PPARGC1A: variants seen among roughly 807,000 people sequenced by gnomAD.
PPARGC1A encodes the protein PPARG coactivator 1 alpha, also known as peroxisome proliferator-activated receptor gamma coactivator 1-alpha.
In PPARGC1A, 25 loss-of-function variants were observed where a neutral mutation model predicts 88.7. The observed-to-expected ratio is 0.28, with a 90% confidence interval of 0.21 to 0.39. PPARGC1A has a LOEUF of 0.39. PPARGC1A is among the 10% of genes least tolerant of loss of function. PPARGC1A has a pLI of 1.00. For missense variants in PPARGC1A, 880 were observed against 968.7 expected, an observed-to-expected ratio of 0.91 and a Z score of 1.22; for synonymous variants, 363 against 355.6, an observed-to-expected ratio of 1.02 and a Z score of -0.24.
At chr4:23,964,979 A>G in the PPARGC1A span, among the ~76,000 whole-genome samples, 1 of 152,178 alleles carries the variant, frequency 6.6e-6, no homozygotes, top group Non-Finnish European at 1.5e-5. Flanking sequence ...GACAGCATAG[A>G]TAGACTGGGG....
chr4:23,878,348 TA>T (rs61188993), intron 2 of PPARGC1A, among the ~76,000 whole-genome samples: 4,251 of 98,870 alleles, frequency 0.043, 144 homozygotes, highest in African/African-American at 0.12. Context: ...TCAACGTCCA[TA>T]AAAAAAAAAA....
At chr4:23,889,158 C>T (rs1717409410) in intron 1 of PPARGC1A, 2 of 985,310 alleles carry the variant, frequency 2.0e-6, no homozygotes, top group South Asian at 4.7e-5. Flanking sequence ...ACACTAGCAG[C>T]GAGCAGCTCC....
chr4:24,314,315 C>A, the PPARGC1A span, among the ~76,000 whole-genome samples: 4 of 152,092 alleles, frequency 2.6e-5, no homozygotes, highest in African/African-American at 9.7e-5. Flanking sequence ...AGAAGTGGAA[C>A]CTTTTGGGAA....
chr4:24,449,798 G>C, the PPARGC1A span, among the ~76,000 whole-genome samples: 1 of 151,986 alleles, frequency 6.6e-6, no homozygotes, highest in Non-Finnish European at 1.5e-5. Flanking sequence ...ATCTATTATA[G>C]GTCAACAAAA....
the PPARGC1A span, among the ~76,000 whole-genome samples, chr4:24,000,220 T>C: frequency 6.6e-6 from 1 of 152,168 alleles, no homozygotes; most frequent in Non-Finnish European, 1.5e-5. Context: ...CACCGTTTCA[T>C]CCTAGGTATC....
At chr4:24,109,285 C>A in the PPARGC1A span, among the ~76,000 whole-genome samples, 1 of 133,750 alleles carries the variant, frequency 7.5e-6, no homozygotes, top group South Asian at 2.6e-4. Flanking sequence ...TAGCACTTAA[C>A]ACCATTTCAT....
At chr4:24,401,358 G>T in the PPARGC1A span, among the ~76,000 whole-genome samples, 7 of 152,096 alleles carry the variant, frequency 4.6e-5, no homozygotes, top group South Asian at 2.1e-4. Flanking sequence ...TGTCATGAGG[G>T]TATGACAGTA....
the PPARGC1A span, among the ~76,000 whole-genome samples, chr4:24,202,357 T>G: frequency 6.6e-6 from 1 of 152,182 alleles, no homozygotes. Context: ...CAAGAGATAA[T>G]GACTATGTTG....
upstream of PPARGC1A, among the ~76,000 whole-genome samples, chr4:23,905,772 A>G (rs1181903885): frequency 6.6e-6 from 1 of 152,210 alleles, no homozygotes; most frequent in Non-Finnish European, 1.5e-5. Context: ...CTAAAGACAA[A>G]AGCTTGTAAG....
chr4:24,242,333 G>T, the PPARGC1A span, among the ~76,000 whole-genome samples: 1 of 152,156 alleles, frequency 6.6e-6, no homozygotes, highest in East Asian at 1.9e-4. Flanking sequence ...CCCACCCCCA[G>T]CACTGGCCCT....
At chr4:24,334,989 T>A in the PPARGC1A span, among the ~76,000 whole-genome samples, 1 of 152,188 alleles carries the variant, frequency 6.6e-6, no homozygotes, top group Non-Finnish European at 1.5e-5. Flanking sequence ...GTTTCAAGAA[T>A]AAGAACCTTC....
the PPARGC1A span, among the ~76,000 whole-genome samples, chr4:24,067,464 T>C: frequency 6.6e-6 from 1 of 152,160 alleles, no homozygotes; most frequent in Non-Finnish European, 1.5e-5. Context: ...TCAGCATTAA[T>C]AGCAAGTTTG....
At chr4:24,383,486 A>G in the PPARGC1A span, among the ~76,000 whole-genome samples, 3 of 152,154 alleles carry the variant, frequency 2.0e-5, no homozygotes, top group Non-Finnish European at 2.9e-5. Context: ...TGAAAAAAGG[A>G]TAGAGGAATC....
At chr4:24,234,015 G>A in the PPARGC1A span, among the ~76,000 whole-genome samples, 1 of 152,220 alleles carries the variant, frequency 6.6e-6, no homozygotes, top group South Asian at 2.1e-4. Context: ...GTCTGACAGG[G>A]TCGGGAAAAC....
the PPARGC1A span, among the ~76,000 whole-genome samples, chr4:23,910,533 C>T: frequency 2.7e-5 from 4 of 145,794 alleles, no homozygotes; most frequent in East Asian, 2.0e-4. Flanking sequence ...CTCCGCCTCC[C>T]GAGTTCAAGC....
chr4:24,149,130 T>C, the PPARGC1A span, among the ~76,000 whole-genome samples: 1 of 152,114 alleles, frequency 6.6e-6, no homozygotes, highest in Non-Finnish European at 1.5e-5. Context: ...ATTGTCAAAA[T>C]ACAAAGAGAA....
At chr4:24,000,858 C>T in the PPARGC1A span, among the ~76,000 whole-genome samples, 1 of 152,162 alleles carries the variant, frequency 6.6e-6, no homozygotes, top group South Asian at 2.1e-4. Context: ...ATCTGATCCT[C>T]TGGTACTATG....
At chr4:24,072,305 C>A in the PPARGC1A span, among the ~76,000 whole-genome samples, 1 of 151,522 alleles carries the variant, frequency 6.6e-6, no homozygotes. Context: ...TAGAATACTT[C>A]CAATTCATAT....
At chr4:23,957,959 A>C in the PPARGC1A span, among the ~76,000 whole-genome samples, 2 of 152,096 alleles carry the variant, frequency 1.3e-5, no homozygotes, top group Non-Finnish European at 2.9e-5. Context: ...TTGGGGCCTG[A>C]AAATTGTAGT....
Sources: allele counts gnomAD v4.1 joint callset (sites outside exome capture counted in the v4.1 genomes callset), GRCh38; gene constraint gnomAD v4.1.1; transcripts MANE v1.5; gene names NCBI Gene and HGNC (gene_info 2026-07-23, HGNC 2026-07-21).